The following PTPN20 variants were observed in gnomAD, a reference collection of about 807,000 sequenced individuals.
The protein encoded by PTPN20 is tyrosine-protein phosphatase non-receptor type 20.
PTPN20 carries 9 observed loss-of-function variants against 35.0 expected under a neutral mutation model. The ratio of observed to expected loss-of-function variants is 0.26; its 90% CI spans 0.15 to 0.45. PTPN20 has a LOEUF of 0.45. Among genes scored for constraint, PTPN20 ranks in the 20% least tolerant of loss-of-function variants. The pLI, the probability that PTPN20 is intolerant of heterozygous loss-of-function variation, is 1.00. For synonymous variants in PTPN20, 32 were observed against 100.2 expected (o/e 0.32, Z 4.06); for missense variants, 111 against 312.5 (o/e 0.36, Z 4.86).
At chr10:46,937,322 GT>G (rs2133668591) in intron 2 of PTPN20, among the ~76,000 whole-genome samples, 1 of 145,814 alleles carries the variant, frequency 6.9e-6, no homozygotes, top group Admixed American at 6.8e-5. Flanking sequence ...CTTTTCAGTA[GT>G]TTGAATATGA....
At chr10:46,997,182 T>C (rs1485415613) in intron 9 of PTPN20, among the ~76,000 whole-genome samples, 4 of 152,186 alleles carry the variant, frequency 2.6e-5, no homozygotes, top group African/African-American at 9.7e-5. Flanking sequence ...ATAGATCTTG[T>C]ATATGTTTTG....
chr10:46,976,804 G>T (rs1589764109), intron 7 of PTPN20, among the ~76,000 whole-genome samples: 1 of 109,758 alleles, frequency 9.1e-6, no homozygotes, highest in African/African-American at 3.5e-5. Context: ...ACCTTTTCTC[G>T]TTACTTCTTT....
In PTPN20 at chr10:46,911,506, G is replaced by A. The variant is rs1234341028; in HGVS notation, c.-124+5G>A. ...GGGGCGGCCCCGCAGGCCCAGGTGAGGAAAGGTGGCTGGGGGCCAGGTGGG... is the reference window on the plus strand; with the variant it reads ...GGGGCGGCCCCGCAGGCCCAGGTGAAGAAAGGTGGCTGGGGGCCAGGTGGG... On this transcript the variant is annotated splice_donor_5th_base_variant and intron_variant, in intron 1 of 10. Coordinates refer to ENST00000374339, the MANE Select transcript of PTPN20 (RefSeq NM_001042357.5). The A allele has an allele frequency of 1.6e-5, 3 of 187,366 alleles. No homozygotes were observed. The highest frequency in any genetic ancestry group is 8.8e-5 in the African/African-American group (3 of 33,972). The allele number at this position is 187,366 out of a possible 1,614,324, so 11.6% of individuals were successfully genotyped here. A position where few individuals can be genotyped will look rare whatever the true frequency, so the allele number is the denominator to read the frequency against.
intron 2 of PTPN20, among the ~76,000 whole-genome samples, chr10:46,938,142 G>A (rs1161007541): frequency 2.7e-5 from 4 of 150,620 alleles, no homozygotes; most frequent in South Asian, 4.2e-4. Flanking sequence ...GTAGAGATGG[G>A]GTTTCACCAT....
intron 5 of PTPN20, among the ~76,000 whole-genome samples, chr10:46,947,636 A>G (rs1423705782): frequency 1.3e-5 from 2 of 151,704 alleles, no homozygotes; most frequent in Admixed American, 1.3e-4. Flanking sequence ...ATTTTTTTAT[A>G]GTTAACCCTT....
chr10:46,994,954 T>A (rs1274052158), intron 9 of PTPN20, among the ~76,000 whole-genome samples: 1 of 152,220 alleles, frequency 6.6e-6, no homozygotes, highest in Non-Finnish European at 1.5e-5. Flanking sequence ...CTCCAAGATT[T>A]CTATTTGATT....
At chr10:46,920,496 A>T (rs1279015322) in intron 1 of PTPN20, among the ~76,000 whole-genome samples, 1 of 150,570 alleles carries the variant, frequency 6.6e-6, no homozygotes, top group African/African-American at 2.5e-5. Flanking sequence ...GGGAAAGAGT[A>T]TATATATATG....
At chr10:46,966,392 G>T (rs1331801014) in intron 6 of PTPN20, among the ~76,000 whole-genome samples, 726 of 151,986 alleles carry the variant, frequency 4.8e-3, no homozygotes, top group Non-Finnish European at 7.9e-3. Flanking sequence ...TGCTTTTGGG[G>T]CTTCTGGGTT....
chr10:46,945,360 GATTA>G (rs1215240757), intron 4 of PTPN20, among the ~76,000 whole-genome samples: 13 of 152,058 alleles, frequency 8.5e-5, no homozygotes, highest in Non-Finnish European at 1.8e-4. Flanking sequence ...AGTCAGTGGA[GATTA>G]ATTAAATGTT....
chr10:46,937,549 C>T (rs1174787291), intron 2 of PTPN20, among the ~76,000 whole-genome samples: 128 of 150,340 alleles, frequency 8.5e-4, no homozygotes, highest in African/African-American at 2.9e-3. Context: ...CGCTACTGTG[C>T]GCTTCATTTT....
intron 9 of PTPN20, among the ~76,000 whole-genome samples, chr10:46,997,728 AG>A (rs2059390212): frequency 6.6e-6 from 1 of 152,122 alleles, no homozygotes; most frequent in East Asian, 1.9e-4. Context: ...TAAAAAAAAA[AG>A]AAAAACAGAA....
intron 1 of PTPN20, 89 bp downstream of exon 1, chr10:46,911,590 AG>A: frequency 4.9e-6 from 1 of 202,946 alleles, no homozygotes; most frequent in South Asian, 4.8e-5. Context: ...TGAAGAAGGA[AG>A]ATGCCGTTGA....
At chr10:46,949,616 A>G (rs1387875528) in intron 5 of PTPN20, among the ~76,000 whole-genome samples, 2 of 149,824 alleles carry the variant, frequency 1.3e-5, no homozygotes, top group Admixed American at 1.3e-4. Flanking sequence ...AGCTTTCTAT[A>G]TTTAGGCAGA....
At chr10:46,993,812 G>T (rs2058489747) in intron 9 of PTPN20, among the ~76,000 whole-genome samples, 1 of 152,144 alleles carries the variant, frequency 6.6e-6, no homozygotes, top group South Asian at 2.1e-4. Flanking sequence ...CCAGAGTTAG[G>T]CATGGATTGC....
intron 1 of PTPN20, 99 bp downstream of exon 1, chr10:46,911,600 G>T (rs1247537268): frequency 1.3e-4 from 27 of 201,098 alleles, no homozygotes; most frequent in Non-Finnish European, 5.6e-5. Flanking sequence ...AGATGCCGTT[G>T]ACGTGCAGGG....
chr10:47,000,001 T>A (rs2059826719), intron 10 of PTPN20, 27 bp downstream of exon 10: 3 of 1,613,316 alleles, frequency 1.9e-6, no homozygotes, highest in Non-Finnish European at 2.5e-6. Flanking sequence ...TACATAATAA[T>A]AAGAATAATG....
At chr10:46,978,828 G>A (rs1167249420) in intron 7 of PTPN20, among the ~76,000 whole-genome samples, 352 of 147,830 alleles carry the variant, frequency 2.4e-3, no homozygotes, top group South Asian at 0.011. Context: ...CAGAGTCAAA[G>A]CAGCAATCAG....
At chr10:46,981,082 T>G (rs1333597767) in intron 7 of PTPN20, among the ~76,000 whole-genome samples, 1 of 150,284 alleles carries the variant, frequency 6.7e-6, no homozygotes, top group Non-Finnish European at 1.5e-5. Context: ...TCAGGGAATT[T>G]GAAGGAACAT....
intron 3 of PTPN20, among the ~76,000 whole-genome samples, chr10:46,941,987 A>AT (rs570487544): frequency 2.0e-3 from 100 of 50,760 alleles, no homozygotes; most frequent in African/African-American, 9.0e-3. Context: ...GCATAAAGAA[A>AT]TTTTTTTTTT....
Sources: gnomAD v4.1 joint callset for allele counts (sites outside exome capture counted in the v4.1 genomes callset) on GRCh38, gnomAD v4.1.1 for gene constraint, MANE v1.5 for transcripts, NCBI Gene and HGNC (gene_info 2026-07-23, HGNC 2026-07-21) for gene names.